SLC4A8: variants seen among roughly 807,000 people sequenced by gnomAD.
The protein encoded by SLC4A8 is electroneutral sodium bicarbonate exchanger 1.
A neutral mutation model predicts 125.0 loss-of-function variants in SLC4A8; 40 were observed. The observed-to-expected ratio is 0.32, with a 90% CI of 0.25 to 0.42. The LOEUF is 0.42. Among genes scored for constraint, SLC4A8 ranks in the 10% least tolerant of loss-of-function variants. The pLI, the probability that SLC4A8 is intolerant of heterozygous loss-of-function variation, is 1.00. For synonymous variants in SLC4A8, 456 were observed against 476.0 expected, an observed-to-expected ratio of 0.96 and a Z score of 0.55; for missense variants, 863 against 1,355.1, an observed-to-expected ratio of 0.64 and a Z score of 5.70.
At chr12:51,409,710 C>G (rs539011667) in intron 1 of SLC4A8, among the ~76,000 whole-genome samples, 1 of 152,060 alleles carries the variant, frequency 6.6e-6, no homozygotes, top group Non-Finnish European at 1.5e-5. Context: ...CCACTGCACC[C>G]CTGATTTTTA....
rs1321724600 is a variant in SLC4A8, at chr12:51,510,280, A to G, written c.*2842A>G. ...TCTCTACTAAAAATACAAAAAAATT[A>G]GCTGGGCATGGTGGCGGGCGCCTGT... is the stretch of plus-strand genomic sequence containing the variant. On this transcript the variant is annotated 3_prime_UTR_variant, in exon 25 of 25. Coordinates refer to ENST00000453097, the MANE Select transcript of SLC4A8 (RefSeq NM_001039960.3). The G allele has an allele frequency of 6.6e-6, 1 of 152,258 alleles. No individual in the cohort carries two copies. The highest frequency in any genetic ancestry group is 1.5e-5 in the Non-Finnish European group (1 of 68,134). The allele number at this position is 152,258 out of a possible 1,614,324, so 9.4% of individuals were successfully genotyped here. A position where few individuals can be genotyped will look rare whatever the true frequency, so the allele number is the denominator to read the frequency against.
chr12:51,422,065 C>T (rs1259226066), upstream of SLC4A8: 1 of 152,194 alleles, frequency 6.6e-6, no homozygotes, highest in Non-Finnish European at 1.5e-5. Flanking sequence ...GGGCACGATA[C>T]ATAGGTTCTC....
intron 22 of SLC4A8, among the ~76,000 whole-genome samples, chr12:51,503,043 C>T (rs1400741364): frequency 6.6e-6 from 1 of 150,956 alleles, no homozygotes. Flanking sequence ...GGGGTTTCAC[C>T]GTGTTAGCCA....
At chr12:51,405,998 G>A (rs1018450566) in intron 1 of SLC4A8, among the ~76,000 whole-genome samples, 9 of 152,202 alleles carry the variant, frequency 5.9e-5, no homozygotes, top group Non-Finnish European at 1.3e-4. Flanking sequence ...AAATTGGACT[G>A]TCTGGTTCCC....
chr12:51,438,722 G>T (rs1332305810), intron 1 of SLC4A8, among the ~76,000 whole-genome samples: 1 of 152,130 alleles, frequency 6.6e-6, no homozygotes, highest in Non-Finnish European at 1.5e-5. Flanking sequence ...CACAGTGGCT[G>T]TACTAGTTTA....
chr12:51,499,042 A>G (rs1157802269), intron 22 of SLC4A8, among the ~76,000 whole-genome samples: 14 of 150,696 alleles, frequency 9.3e-5, no homozygotes, highest in African/African-American at 2.4e-5. Flanking sequence ...GTAGCCAAGT[A>G]TGTTGGCGCA....
In SLC4A8 at chr12:51,508,238, G is replaced by T. The variant is rs185435961; in HGVS notation, c.*800G>T. The T allele has an allele frequency of 5.9e-5, 9 of 152,366 alleles. No individual in the cohort carries two copies. The East Asian group carries it at 1.5e-3, about 26-fold the overall frequency. 9.4% of individuals were successfully genotyped at this position (152,366 alleles called of 1,614,324 possible). On this transcript the variant is annotated 3_prime_UTR_variant, in exon 25 of 25. Transcript: ENST00000453097. ...TCTCTTGGTTTTCATTGAGGATAGA[G>T]TAAGAGATTGAGTTTAGATTGCAAC...
chr12:51,467,152 G>T (rs1196311591), intron 11 of SLC4A8, among the ~76,000 whole-genome samples: 1 of 152,166 alleles, frequency 6.6e-6, no homozygotes, highest in African/African-American at 2.4e-5. Flanking sequence ...TGCCTGCAAG[G>T]TTATTGAGGG....
At chr12:51,507,392 T>C in intron 24 of SLC4A8, 34 bp from the exon 25 acceptor site, 1 of 1,327,842 alleles carries the variant, frequency 7.5e-7, no homozygotes, top group Non-Finnish European at 9.8e-7. Context: ...AATCATATGT[T>C]CCCTTTTTGT....
Position 51,476,473 on chromosome 12 carries a change from T to A in SLC4A8, c.2172+1267T>A, listed in dbSNP as rs1950858112. On this transcript the variant is annotated intron_variant, in intron 16 of 24. Coordinates refer to ENST00000453097, the MANE Select transcript of SLC4A8 (RefSeq NM_001039960.3). ...TCCAGCCTGGGCGACAGAGTGAGAC[T>A]CTGTCTCAAAAATAAAAAAGTTAAA... Among the ~76,000 whole-genome samples the A allele has an allele frequency of 2.6e-5, 4 of 151,984 alleles. No homozygotes were observed. The South Asian group carries it at 8.3e-4, about 32-fold the overall frequency.
intron 4 of SLC4A8, 131 bp downstream of exon 4, chr12:51,452,390 A>C (rs1482535255): frequency 9.7e-7 from 1 of 1,028,684 alleles, no homozygotes; most frequent in Non-Finnish European, 1.5e-6. Context: ...CTGACATTCC[A>C]GTGTCTCCTG....
chr12:51,487,782 AC>A (rs1951200551), intron 17 of SLC4A8, among the ~76,000 whole-genome samples: 1 of 152,028 alleles, frequency 6.6e-6, no homozygotes, highest in Non-Finnish European at 1.5e-5. Flanking sequence ...TGATGGCTGG[AC>A]CCCTGTTTCA....
chr12:51,483,971 G>A (rs1951098635), intron 16 of SLC4A8, among the ~76,000 whole-genome samples: 1 of 152,078 alleles, frequency 6.6e-6, no homozygotes, highest in Admixed American at 6.6e-5. Context: ...TCCCACCTAT[G>A]AGTGAGAACA....
chr12:51,477,188 G>C (rs1285262737), intron 16 of SLC4A8, among the ~76,000 whole-genome samples: 4 of 151,998 alleles, frequency 2.6e-5, no homozygotes, highest in Admixed American at 6.6e-5. Flanking sequence ...ATAGGGGTGA[G>C]CCACCATGCC....
At chr12:51,498,317 G>A (rs1302709209) in intron 22 of SLC4A8, among the ~76,000 whole-genome samples, 1 of 151,956 alleles carries the variant, frequency 6.6e-6, no homozygotes, top group Non-Finnish European at 1.5e-5. Context: ...ATATGAAATT[G>A]AAATGAGCAA....
chr12:51,445,202 C>T (rs1181746344), intron 2 of SLC4A8, among the ~76,000 whole-genome samples: 1 of 152,178 alleles, frequency 6.6e-6, no homozygotes, highest in African/African-American at 2.4e-5. Context: ...GGCAGGGTCT[C>T]ACTCTGTCGC....
intron 5 of SLC4A8, among the ~76,000 whole-genome samples, chr12:51,456,381 A>G (rs1950150273): frequency 6.6e-6 from 1 of 152,208 alleles, no homozygotes; most frequent in African/African-American, 2.4e-5. Flanking sequence ...ATAGTCATGA[A>G]TAGAATTAGA....
intron 1 of SLC4A8, among the ~76,000 whole-genome samples, chr12:51,433,285 T>C (rs1312858048): frequency 1.3e-5 from 2 of 152,356 alleles, no homozygotes; most frequent in East Asian, 3.9e-4. Context: ...TTTTTATCTA[T>C]CTAGTCCTTG....
intron 22 of SLC4A8, among the ~76,000 whole-genome samples, chr12:51,503,418 A>G (rs1938020767): frequency 1.3e-5 from 2 of 151,512 alleles, no homozygotes; most frequent in Admixed American, 6.6e-5. Flanking sequence ...TCACCGTGTT[A>G]GCCAGGATGG....
Sources: allele counts gnomAD v4.1 joint callset (sites outside exome capture counted in the v4.1 genomes callset), GRCh38; gene constraint gnomAD v4.1.1; transcripts MANE v1.5; gene names NCBI Gene and HGNC (gene_info 2026-07-23, HGNC 2026-07-21).